The following CDC73 variants were observed in gnomAD, a reference collection of about 807,000 sequenced individuals.
The protein encoded by CDC73 is parafibromin.
A neutral mutation model predicts 83.7 loss-of-function variants in CDC73; 21 were observed. That is an observed-to-expected ratio of 0.25 (90% CI 0.18 to 0.36). CDC73 has a LOEUF of 0.36. Ranked by LOEUF, CDC73 falls within the 10% of genes least tolerant of loss-of-function variation. The pLI is 1.00. For missense variants in CDC73, 342 were observed against 653.3 expected (o/e 0.52, Z 5.19); for synonymous variants, 224 against 212.9 (o/e 1.05, Z -0.45).
At chr1:193,189,380 A>G (rs1676881567) in intron 10 of CDC73, among the ~76,000 whole-genome samples, 1 of 151,776 alleles carries the variant, frequency 6.6e-6, no homozygotes. Context: ...TCCAGTCAAG[A>G]GAAACTGTAA....
chr1:193,234,292 A>C (rs1256058083), intron 14 of CDC73, among the ~76,000 whole-genome samples: 12 of 138,778 alleles, frequency 8.6e-5, no homozygotes, highest in Non-Finnish European at 6.1e-5. Flanking sequence ...TATACATATT[A>C]TATATATAAT....
At chr1:193,135,850 TTC>T (rs1675786542) in intron 5 of CDC73, among the ~76,000 whole-genome samples, 1 of 151,656 alleles carries the variant, frequency 6.6e-6, no homozygotes, top group African/African-American at 2.4e-5. Flanking sequence ...AGGGTCAGAA[TTC>T]TTTTTCCTTT....
chr1:193,161,572 TTATTA>T (rs1676308935), intron 10 of CDC73, among the ~76,000 whole-genome samples: 2 of 126,156 alleles, frequency 1.6e-5, no homozygotes, highest in East Asian at 4.1e-4. Flanking sequence ...CATATATATA[TTATTA>T]TATAATATAT....
chr1:193,139,845 C>T (rs1338758451), intron 6 of CDC73, among the ~76,000 whole-genome samples: 2 of 152,200 alleles, frequency 1.3e-5, no homozygotes, highest in African/African-American at 4.8e-5. Context: ...ACTTCATGAA[C>T]GTGAGGTTTC....
chr1:193,207,546 C>T (rs1677209548), intron 11 of CDC73, among the ~76,000 whole-genome samples: 1 of 150,776 alleles, frequency 6.6e-6, no homozygotes, highest in African/African-American at 2.4e-5. Context: ...TGCATTCCTT[C>T]CCCGGGGTAT....
At chr1:193,188,657 T>A (rs1051260025) in intron 10 of CDC73, among the ~76,000 whole-genome samples, 1 of 152,038 alleles carries the variant, frequency 6.6e-6, no homozygotes, top group Non-Finnish European at 1.5e-5. Context: ...ACTAAATAAT[T>A]ATTATTCTTT....
intron 11 of CDC73, among the ~76,000 whole-genome samples, chr1:193,207,129 T>C (rs1677200955): frequency 6.6e-6 from 1 of 152,154 alleles, no homozygotes; most frequent in African/African-American, 2.4e-5. Flanking sequence ...CATCACATAT[T>C]GGTAGGTCTG....
chr1:193,197,285 A>C (rs1271594187), intron 10 of CDC73, among the ~76,000 whole-genome samples: 2 of 152,192 alleles, frequency 1.3e-5, no homozygotes, highest in Non-Finnish European at 2.9e-5. Context: ...GCATTCCAAG[A>C]ATGAATCCCA....
chr1:193,188,598 G>A (rs759253711), intron 10 of CDC73, among the ~76,000 whole-genome samples: 16 of 152,000 alleles, frequency 1.1e-4, no homozygotes, highest in Non-Finnish European at 2.1e-4. Context: ...AAGTATAGGG[G>A]ATACAAAGTT....
intron 10 of CDC73, chr1:193,180,390 T>C (rs1676692476): frequency 6.2e-7 from 1 of 1,613,764 alleles, no homozygotes; most frequent in Admixed American, 1.7e-5. Context: ...TCCAGTATTT[T>C]ATCAGTTCAC....
At chr1:193,188,079 A>C (rs1280405422) in intron 10 of CDC73, among the ~76,000 whole-genome samples, 3 of 152,216 alleles carry the variant, frequency 2.0e-5, no homozygotes, top group Non-Finnish European at 4.4e-5. Context: ...ATCAGTATTT[A>C]TTTATCAGTG....
chr1:193,239,862 A>G (rs1677827159), intron 15 of CDC73, among the ~76,000 whole-genome samples: 1 of 152,206 alleles, frequency 6.6e-6, no homozygotes. Flanking sequence ...GCTGTTCACC[A>G]TGGCATATGT....
At chr1:193,137,062 T>C (rs1675814259) in intron 5 of CDC73, among the ~76,000 whole-genome samples, 1 of 152,170 alleles carries the variant, frequency 6.6e-6, no homozygotes, top group South Asian at 2.1e-4. Context: ...TTCAGTTCAG[T>C]GTATGTCTTT....
chr1:193,239,778 AAAT>A (rs1446958094), intron 15 of CDC73, among the ~76,000 whole-genome samples: 1 of 152,118 alleles, frequency 6.6e-6, no homozygotes, highest in Non-Finnish European at 1.5e-5. Flanking sequence ...AGCTGTTTAG[AAAT>A]ATATAATACA....
At chr1:193,233,766 TG>T (rs1677701452) in intron 14 of CDC73, among the ~76,000 whole-genome samples, 1 of 152,172 alleles carries the variant, frequency 6.6e-6, no homozygotes, top group South Asian at 2.1e-4. Flanking sequence ...AAGGGAATAA[TG>T]TAATAAAAAT....
At chr1:193,216,761 T>C (rs1321778588) in intron 13 of CDC73, among the ~76,000 whole-genome samples, 1 of 152,192 alleles carries the variant, frequency 6.6e-6, no homozygotes, top group African/African-American at 2.4e-5. Flanking sequence ...TCAAATAGGC[T>C]TTATCCCTGG....
chr1:193,150,263 T>A (rs749657922), intron 8 of CDC73, 41 bp from the exon 9 acceptor site: 3 of 1,384,904 alleles, frequency 2.2e-6, no homozygotes, highest in East Asian at 2.3e-5. Context: ...AAGTGACATT[T>A]AAAAATATTA....
chr1:193,156,985 G>T (rs1388920113), intron 10 of CDC73, among the ~76,000 whole-genome samples: 3 of 152,168 alleles, frequency 2.0e-5, no homozygotes, highest in Non-Finnish European at 2.9e-5. Context: ...ACTATGACAA[G>T]TGTTAAAGGT....
chr1:193,190,738 A>G (rs973248803), intron 10 of CDC73, among the ~76,000 whole-genome samples: 15 of 152,238 alleles, frequency 9.9e-5, no homozygotes, highest in Non-Finnish European at 5.9e-5. Flanking sequence ...TACAATCAGC[A>G]GTGATTTGGC....
Sources: gnomAD v4.1 joint callset for allele counts (sites outside exome capture counted in the v4.1 genomes callset) on GRCh38, gnomAD v4.1.1 for gene constraint, MANE v1.5 for transcripts, NCBI Gene and HGNC (gene_info 2026-07-23, HGNC 2026-07-21) for gene names.